The following OSBPL6 variants were observed in gnomAD, a reference collection of about 807,000 sequenced individuals.
OSBPL6 encodes oxysterol-binding protein-related protein 6.
A neutral mutation model predicts 125.8 loss-of-function variants in OSBPL6; 49 were observed. The observed-to-expected ratio is 0.39, with a 90% CI of 0.31 to 0.49. The LOEUF (loss-of-function observed/expected upper bound fraction) is 0.49. OSBPL6 is among the 20% of genes least tolerant of loss of function. The pLI is 0.88. For missense variants in OSBPL6, 986 were observed against 1,135.4 expected (o/e 0.87, Z 1.89); for synonymous variants, 394 against 391.8 (o/e 1.01, Z -0.07).
At chr2:178,317,297 A>G (rs1002231835) in intron 3 of OSBPL6, among the ~76,000 whole-genome samples, 3 of 151,214 alleles carry the variant, frequency 2.0e-5, no homozygotes, top group Non-Finnish European at 4.4e-5. Context: ...ATATTATGCC[A>G]CATAGGAAGC....
At chr2:178,225,261 A>G (rs115898303) in intron 1 of OSBPL6, among the ~76,000 whole-genome samples, 3,229 of 118,290 alleles carry the variant, frequency 0.027, 76 homozygotes, top group Middle Eastern at 0.1. Flanking sequence ...AAAAGGAAAG[A>G]AAAGAAAAGA....
Position 178,385,305 on chromosome 2 carries a change from TTCCC to T in OSBPL6, c.2014-152_2014-149del, listed in dbSNP as rs1694847177. ...AATTCACTTCACTTATGGGCATTAT[TTCCC>T]CTCTAAATTGTATAAGTTCTCAGTG... is the stretch of plus-strand genomic sequence containing the variant. On this transcript the variant is annotated intron_variant, in intron 18 of 24. Transcript: ENST00000190611. 1.2e-4 allele frequency among the ~76,000 whole-genome samples: 18 copies of T among 152,300 alleles called. No homozygotes were observed. In the South Asian group the frequency reaches 3.7e-3, roughly 32 times the overall value.
intron 2 of OSBPL6, among the ~76,000 whole-genome samples, chr2:178,285,882 G>A (rs1219114761): frequency 6.6e-6 from 1 of 152,248 alleles, no homozygotes; most frequent in East Asian, 1.9e-4. Context: ...TGGTGGTAGT[G>A]GTGATGACAA....
chr2:178,326,242 C>T lies in OSBPL6; in HGVS notation c.195+1973C>T, dbSNP rs547890076. 1.5e-3 allele frequency among the ~76,000 whole-genome samples: 229 copies of T among 151,928 alleles called. 3 individuals are homozygous for T. In the South Asian group the frequency reaches 0.036, roughly 24 times the overall value. ...ACACTCACCCACATACATCTGCAAA[C>T]GTGTGCACATACAGTTTACCCTTCA... On this transcript the variant is annotated intron_variant, in intron 4 of 24. Coordinates refer to ENST00000190611, the MANE Select transcript of OSBPL6 (RefSeq NM_032523.4).
intron 1 of OSBPL6, among the ~76,000 whole-genome samples, chr2:178,263,899 A>G (rs983097434): frequency 5.3e-5 from 8 of 151,988 alleles, no homozygotes; most frequent in Non-Finnish European, 1.2e-4. Flanking sequence ...ATAAATTTAA[A>G]ACTGCCTCAG....
chr2:178,367,676 C>T (rs560741351), intron 13 of OSBPL6, among the ~76,000 whole-genome samples: 14 of 152,276 alleles, frequency 9.2e-5, no homozygotes, highest in East Asian at 1.9e-4. Flanking sequence ...ACTTCTTTTA[C>T]GCATTGGAAA....
intron 1 of OSBPL6, among the ~76,000 whole-genome samples, chr2:178,195,887 T>C (rs888499275): frequency 6.6e-6 from 1 of 152,244 alleles, no homozygotes; most frequent in Non-Finnish European, 1.5e-5. Context: ...ATCACTAAGC[T>C]GATTAGGAAA....
At chr2:178,259,576 A>G (rs1394474714) in intron 1 of OSBPL6, among the ~76,000 whole-genome samples, 1 of 152,146 alleles carries the variant, frequency 6.6e-6, no homozygotes, top group East Asian at 1.9e-4. Context: ...TAACTTAATT[A>G]TCTCTATTTT....
chr2:178,374,619 T>C (rs1380408186), intron 15 of OSBPL6, among the ~76,000 whole-genome samples: 1 of 152,248 alleles, frequency 6.6e-6, no homozygotes, highest in Admixed American at 6.5e-5. Context: ...AGAAATTAGC[T>C]CTTTTGCTAC....
intron 1 of OSBPL6, among the ~76,000 whole-genome samples, chr2:178,279,891 T>A (rs376308076): frequency 4.6e-5 from 7 of 152,262 alleles, no homozygotes; most frequent in African/African-American, 1.7e-4. Flanking sequence ...CAAGACCCAG[T>A]GAAATTTCTT....
intron 11 of OSBPL6, among the ~76,000 whole-genome samples, chr2:178,347,338 G>A (rs776679004): frequency 2.6e-5 from 4 of 151,984 alleles, no homozygotes; most frequent in Non-Finnish European, 4.4e-5. Context: ...CCAAAGACCC[G>A]CATTTATTTT....
At chr2:178,322,293 A>G (rs887931079) in intron 3 of OSBPL6, among the ~76,000 whole-genome samples, 1 of 152,074 alleles carries the variant, frequency 6.6e-6, no homozygotes, top group Non-Finnish European at 1.5e-5. Flanking sequence ...TTGCCCAGCA[A>G]CCTGAAAGGA....
chr2:178,328,224 A>G (rs757955592), intron 4 of OSBPL6, 32 bp from the exon 5 acceptor site: 2 of 1,611,902 alleles, frequency 1.2e-6, no homozygotes, highest in Admixed American at 3.3e-5. Context: ...GCACTGAGTA[A>G]CATGTGATTT....
chr2:178,294,808 A>G (rs1447283522), intron 2 of OSBPL6, among the ~76,000 whole-genome samples: 1 of 150,752 alleles, frequency 6.6e-6, no homozygotes, highest in Non-Finnish European at 1.5e-5. Flanking sequence ...TTTGAAATAT[A>G]TAGACTTGAG....
Position 178,387,143 on chromosome 2 carries a change from G to A in OSBPL6, c.2156+4G>A, listed in dbSNP as rs1244031889. On this transcript the variant is annotated splice_donor_region_variant and intron_variant, in intron 20 of 24. Coordinates refer to ENST00000190611, the MANE Select transcript of OSBPL6 (RefSeq NM_032523.4). ...CACTGAATGTCATGCTTCCAAAGTA[G>A]GTGACTCACACCTCCCTTTTGGCCT... The A allele has an allele frequency of 3.7e-6, 6 of 1,601,920 alleles. No homozygotes were observed. In the East Asian group the frequency reaches 1.3e-4, roughly 36 times the overall value.
In OSBPL6 at chr2:178,395,549, T is replaced by G; in HGVS notation, c.2795T>G (p.Val932Gly). The stretch of plus-strand genomic sequence containing the variant: ...GGGTTTAGCAAAGTAGACAGCCCTG[T>G]TCTTTGGTAGACTGGGAATGTAGAG... ...DPGFSKVDSP[V>G]LW Residue 932 changes from valine to glycine, a missense_variant, in exon 25 of 25, where the codon GTT (valine) becomes GGT (glycine). Transcript: ENST00000190611. The G allele has an allele frequency of 6.2e-7, 1 of 1,609,974 alleles. No homozygotes were observed. Among genetic ancestry groups the G allele is most frequent in the Non-Finnish European group, 8.5e-7 (1 of 1,176,482 alleles).
intron 1 of OSBPL6, among the ~76,000 whole-genome samples, chr2:178,244,371 G>A (rs185377667): frequency 6.6e-6 from 1 of 152,162 alleles, no homozygotes; most frequent in African/African-American, 2.4e-5. Flanking sequence ...TGTAATCATA[G>A]GCTTAGCTAT....
intron 1 of OSBPL6, among the ~76,000 whole-genome samples, chr2:178,281,658 A>G (rs1684185573): frequency 6.6e-6 from 1 of 152,240 alleles, no homozygotes; most frequent in Admixed American, 6.5e-5. Context: ...AGGGACATGG[A>G]CAGAGGTAGA....
chr2:178,340,099 C>T (rs1690072073), intron 11 of OSBPL6, among the ~76,000 whole-genome samples: 1 of 151,884 alleles, frequency 6.6e-6, no homozygotes, highest in South Asian at 2.1e-4. Context: ...TTATAATGAA[C>T]ACTCATTTAA....
Sources: gnomAD v4.1 joint callset for allele counts (sites outside exome capture counted in the v4.1 genomes callset) on GRCh38, gnomAD v4.1.1 for gene constraint, MANE v1.5 for transcripts, NCBI Gene and HGNC (gene_info 2026-07-23, HGNC 2026-07-21) for gene names.